Variants in ANO4 observed in about 807,000 individuals in gnomAD.
ANO4 encodes anoctamin-4.
ANO4 carries 69 observed loss-of-function variants against 141.9 expected under a neutral mutation model. The observed-to-expected ratio is 0.49, with a 90% CI of 0.40 to 0.59. The LOEUF is 0.59. Among genes scored for constraint, ANO4 ranks in the 20% least tolerant of loss-of-function variants. The pLI, the probability that ANO4 is intolerant of heterozygous loss-of-function variation, is 0.00. For synonymous variants in ANO4, 350 were observed against 394.3 expected (o/e 0.89, Z 1.33); for missense variants, 894 against 1,162.2 (o/e 0.77, Z 3.36).
intron 1 of ANO4, among the ~76,000 whole-genome samples, chr12:100,820,195 C>T (rs1212194246): frequency 6.6e-6 from 1 of 151,808 alleles, no homozygotes; most frequent in African/African-American, 2.4e-5. Context: ...GGGGCCCTCC[C>T]ACCTGACCTC....
chr12:100,797,970 G>A (rs957017352), intron 1 of ANO4, among the ~76,000 whole-genome samples: 2 of 152,134 alleles, frequency 1.3e-5, no homozygotes, highest in Non-Finnish European at 1.5e-5. Context: ...GTTTCTGTTA[G>A]TATAAATATA....
In ANO4 at chr12:101,099,657, G is replaced by C; in HGVS notation, c.2086G>C (p.Glu696Gln). Reference sequence around the variant, plus strand: ...AAGGAAAATAAGTTTCCCACAATGGGAAAAGGACTATAACCTTCAGCCGAT... The same window carrying C: ...AAGGAAAATAAGTTTCCCACAATGGCAAAAGGACTATAACCTTCAGCCGAT... Reference protein sequence around the residue: ...PERKISFPQWEKDYNLQPMNA... With the variant: ...PERKISFPQWQKDYNLQPMNA... The change falls in exon 22 of 28, where the codon GAA (glutamate) becomes CAA (glutamine). Residue 696 changes from glutamate to glutamine, a missense_variant. Transcript: ENST00000392977. 3 of 1,611,838 alleles carry C rather than the reference G, an allele frequency of 1.9e-6. No homozygotes were observed. The highest frequency in any genetic ancestry group is 1.7e-6 in the Non-Finnish European group (2 of 1,179,312).
At chr12:100,965,624 A>G (rs1340172655) in intron 5 of ANO4, among the ~76,000 whole-genome samples, 1 of 151,640 alleles carries the variant, frequency 6.6e-6, no homozygotes, top group Non-Finnish European at 1.5e-5. Context: ...ACACTTTACA[A>G]TGTTCAATCA....
chr12:101,045,576 C>T (rs2047584912), intron 13 of ANO4, among the ~76,000 whole-genome samples: 1 of 152,138 alleles, frequency 6.6e-6, no homozygotes, highest in Non-Finnish European at 1.5e-5. Context: ...GGATCTAGTC[C>T]AATCAGTGGC....
intron 1 of ANO4, among the ~76,000 whole-genome samples, chr12:100,834,855 G>A (rs2036820581): frequency 6.6e-6 from 1 of 152,124 alleles, no homozygotes; most frequent in Admixed American, 6.5e-5. Flanking sequence ...GATATATGAG[G>A]GAAGAGTGAT....
chr12:101,072,611 G>A (rs959440085), intron 14 of ANO4, among the ~76,000 whole-genome samples: 1 of 152,134 alleles, frequency 6.6e-6, no homozygotes, highest in African/African-American at 2.4e-5. Flanking sequence ...AAACAAAAGA[G>A]CTTCTGCACA....
rs1487175183 is a variant in ANO4 at position 100,981,716 on chromosome 12, G to A, written c.603-5823G>A. Among the ~76,000 whole-genome samples, 3 of 152,108 alleles carry A rather than the reference G, an allele frequency of 2.0e-5. No homozygotes were observed. In the East Asian group the frequency reaches 5.8e-4, roughly 29 times the overall value. On this transcript the variant is annotated intron_variant, in intron 7 of 27. Coordinates refer to ENST00000392977, the MANE Select transcript of ANO4 (RefSeq NM_001286615.2). The stretch of plus-strand genomic sequence containing the variant: ...CCTCCTGGGTTGTTAGTGGCTCAAG[G>A]GAAATGACCTTTCTTCTACTTCCTC...
intron 1 of ANO4, among the ~76,000 whole-genome samples, chr12:100,831,076 A>G (rs1367408281): frequency 6.6e-6 from 1 of 152,116 alleles, no homozygotes; most frequent in African/African-American, 2.4e-5. Flanking sequence ...TGCCATTTTG[A>G]ACTGATATTT....
At chr12:101,050,775 T>G in intron 14 of ANO4, among the ~76,000 whole-genome samples, 1 of 152,138 alleles carries the variant, frequency 6.6e-6, no homozygotes, top group Non-Finnish European at 1.5e-5. Context: ...TGGAGGAGCC[T>G]CCTCATGGCC....
At chr12:101,037,339 C>CT (rs1325631184) in intron 10 of ANO4, among the ~76,000 whole-genome samples, 189 bp downstream of exon 10, 2 of 152,116 alleles carry the variant, frequency 1.3e-5, no homozygotes, top group African/African-American at 4.8e-5. Context: ...TTCTATATAT[C>CT]TTTTCATGTA....
At chr12:101,051,346 T>G (rs1005675823) in intron 14 of ANO4, among the ~76,000 whole-genome samples, 1 of 152,190 alleles carries the variant, frequency 6.6e-6, no homozygotes, top group African/African-American at 2.4e-5. Context: ...GGATGTTTTA[T>G]AATAAACTTT....
At chr12:100,973,133 A>C (rs1017508902) in intron 6 of ANO4, among the ~76,000 whole-genome samples, 1 of 152,244 alleles carries the variant, frequency 6.6e-6, no homozygotes, top group Non-Finnish European at 1.5e-5. Context: ...TTAATGTGTG[A>C]CACTAATTGA....
intron 14 of ANO4, among the ~76,000 whole-genome samples, chr12:101,053,538 T>C (rs957070154): frequency 6.6e-6 from 1 of 152,202 alleles, no homozygotes; most frequent in Non-Finnish European, 1.5e-5. Context: ...ATTCTGGTGA[T>C]GGCTGATGGT....
At chr12:100,737,992 C>T (rs2031687652) in intron 2 of ANO4, among the ~76,000 whole-genome samples, 1 of 152,146 alleles carries the variant, frequency 6.6e-6, no homozygotes, top group Admixed American at 6.6e-5. Context: ...AGAAAGACTC[C>T]TCCTAAAACT....
chr12:100,796,714 G>A (rs1330132448), intron 1 of ANO4, among the ~76,000 whole-genome samples: 1 of 151,548 alleles, frequency 6.6e-6, no homozygotes, highest in Non-Finnish European at 1.5e-5. Context: ...CCCTACACTC[G>A]ATTGTGGTTC....
intron 6 of ANO4, among the ~76,000 whole-genome samples, chr12:100,972,232 A>G (rs1352901991): frequency 6.6e-6 from 1 of 152,240 alleles, no homozygotes; most frequent in African/African-American, 2.4e-5. Flanking sequence ...GGTGACAGAA[A>G]TGAGGCAAAT....
intron 1 of ANO4, among the ~76,000 whole-genome samples, chr12:100,833,684 G>A (rs2036751176): frequency 6.6e-6 from 1 of 152,026 alleles, no homozygotes; most frequent in Non-Finnish European, 1.5e-5. Context: ...CTAGTTGTGG[G>A]TTCTTGAGGA....
chr12:101,036,106 G>A (rs944021852), intron 9 of ANO4, among the ~76,000 whole-genome samples: 9 of 152,128 alleles, frequency 5.9e-5, no homozygotes, highest in African/African-American at 1.9e-4. Context: ...ATGAAAAGGT[G>A]CTCAATATCA....
intron 1 of ANO4, among the ~76,000 whole-genome samples, chr12:100,812,957 C>T (rs1165731464): frequency 2.0e-5 from 3 of 152,204 alleles, no homozygotes; most frequent in Non-Finnish European, 2.9e-5. Flanking sequence ...GGGTGGACTA[C>T]TTGTCTTTAA....
Sources: allele counts gnomAD v4.1 joint callset (sites outside exome capture counted in the v4.1 genomes callset), GRCh38; gene constraint gnomAD v4.1.1; transcripts MANE v1.5; gene names NCBI Gene and HGNC (gene_info 2026-07-23, HGNC 2026-07-21).